Variants in TCF3 observed in about 807,000 individuals in gnomAD.
TCF3 encodes the protein transcription factor 3.
TCF3 carries 54 observed loss-of-function variants against 72.3 expected under a neutral mutation model. The observed-to-expected ratio is 0.75, with a 90% CI of 0.60 to 0.94. The LOEUF is 0.94. TCF3 is among the 40% of genes least tolerant of loss of function. The pLI is 0.00. For synonymous variants in TCF3, 525 were observed against 412.6 expected (o/e 1.27, Z -3.30); for missense variants, 1,078 against 934.4 (o/e 1.15, Z -2.00).
intron 2 of TCF3, among the ~76,000 whole-genome samples, chr19:1,646,782 C>CAAG (rs1444944453): frequency 6.6e-6 from 1 of 152,214 alleles, no homozygotes; most frequent in Non-Finnish European, 1.5e-5. Flanking sequence ...CTTATCAGCT[C>CAAG]TTGACAGTGA....
At chr19:1,643,736 C>A (rs1331168070) in intron 3 of TCF3, among the ~76,000 whole-genome samples, 2 of 152,258 alleles carry the variant, frequency 1.3e-5, no homozygotes, top group Non-Finnish European at 2.9e-5. Context: ...GAAGAACAGG[C>A]AGACCCTTCA....
chr19:1,642,039 G>A (rs539721666), intron 3 of TCF3, among the ~76,000 whole-genome samples: 1 of 151,256 alleles, frequency 6.6e-6, no homozygotes, highest in South Asian at 2.1e-4. Context: ...AGTGAGACCT[G>A]GTCCCTAAAA....
chr19:1,644,087 C>A (rs900156829), intron 3 of TCF3, among the ~76,000 whole-genome samples: 1 of 152,250 alleles, frequency 6.6e-6, no homozygotes, highest in Non-Finnish European at 1.5e-5. Context: ...GAGCCCCAAA[C>A]TCCCCTCTTC....
chr19:1,636,752 C>T (rs28546475), intron 3 of TCF3, among the ~76,000 whole-genome samples: 30 of 152,184 alleles, frequency 2.0e-4, no homozygotes, highest in Non-Finnish European at 3.1e-4. Context: ...AGGAGGATCC[C>T]GAGTGGGGGA....
At chr19:1,639,106 C>T (rs1010141493) in intron 3 of TCF3, among the ~76,000 whole-genome samples, 5 of 152,202 alleles carry the variant, frequency 3.3e-5, no homozygotes, top group African/African-American at 9.7e-5. Flanking sequence ...TGCGGTGGCG[C>T]GATCTCAGCT....
intron 11 of TCF3, among the ~76,000 whole-genome samples, chr19:1,621,546 A>G (rs1021034182): frequency 1.0e-4 from 15 of 147,182 alleles, no homozygotes; most frequent in Admixed American, 2.0e-4. Flanking sequence ...TCCCTCTCTG[A>G]CCCTGGGTGG....
intron 2 of TCF3, among the ~76,000 whole-genome samples, chr19:1,648,355 G>C (rs917243933): frequency 4.6e-5 from 7 of 152,180 alleles, no homozygotes; most frequent in Non-Finnish European, 8.8e-5. Context: ...AAAGCCCGAG[G>C]GGGGACGCCC....
intron 3 of TCF3, among the ~76,000 whole-genome samples, chr19:1,633,618 A>C (rs1056264345): frequency 8.5e-5 from 13 of 152,192 alleles, no homozygotes; most frequent in African/African-American, 2.4e-4. Flanking sequence ...AAGTCTAATG[A>C]ATATTCATGC....
chr19:1,616,947 A>C (rs1446869208), intron 16 of TCF3, among the ~76,000 whole-genome samples: 1 of 149,562 alleles, frequency 6.7e-6, no homozygotes, highest in African/African-American at 2.4e-5. Context: ...GAAAGGACAA[A>C]AAGAAAGTAA....
chr19:1,630,409 C>T (rs992847573), intron 5 of TCF3, among the ~76,000 whole-genome samples: 2 of 152,214 alleles, frequency 1.3e-5, no homozygotes, highest in African/African-American at 4.8e-5. Flanking sequence ...AGTTCGAGGC[C>T]GGGCAAAGCG....
intron 6 of TCF3, among the ~76,000 whole-genome samples, chr19:1,626,504 G>A (rs1446959314): frequency 6.6e-6 from 1 of 151,880 alleles, no homozygotes; most frequent in African/African-American, 2.4e-5. Context: ...CCACGGGGTG[G>A]CCCAGCGCCC....
intron 2 of TCF3, among the ~76,000 whole-genome samples, chr19:1,648,134 C>T (rs1470466754): frequency 1.3e-5 from 2 of 152,218 alleles, no homozygotes; most frequent in East Asian, 1.9e-4. Flanking sequence ...TGGGAACAGC[C>T]TGGGTTAGCG....
chr19:1,619,733 G>A (rs939063781), intron 14 of TCF3, 47 bp downstream of exon 14: 44 of 1,140,752 alleles, frequency 3.9e-5, no homozygotes, highest in Non-Finnish European at 4.9e-5. Flanking sequence ...CGTCTGTCCT[G>A]CAAATTCTGT....
intron 6 of TCF3, 58 bp downstream of exon 6, chr19:1,627,301 G>A (rs544224714): frequency 1.4e-4 from 210 of 1,457,768 alleles, no homozygotes; most frequent in Admixed American, 2.7e-4. Context: ...ATCAGAGAGG[G>A]TGGGTGACAG....
At position 1,615,604 on chromosome 19, in the gene TCF3, G is replaced by A. The variant is rs2061471112; in HGVS notation, c.1586+82C>T. The A allele has an allele frequency of 6.2e-7, 1 of 1,608,530 alleles. No individual in the cohort carries two copies. Among genetic ancestry groups the A allele is most frequent in the African/African-American group, 1.3e-5 (1 of 74,892 alleles). On this transcript the variant is annotated intron_variant, in intron 17 of 18. Coordinates refer to ENST00000262965, the MANE Select transcript of TCF3 (RefSeq NM_003200.5). This position sits in a 1 kb window ranked among gnomAD's most constrained non-coding sequence, Gnocchi z 7.3. Reference sequence around the variant, plus strand: ...TGGGGCCCGCCGACGGCCTCCCAGTGTGGGTGCGGTGTGCGTGTGGCCTGT... The same window carrying A: ...TGGGGCCCGCCGACGGCCTCCCAGTATGGGTGCGGTGTGCGTGTGGCCTGT...
rs1189951565 is a variant in TCF3 at position 1,610,033 on chromosome 19, A to T, written c.*1674T>A. On this transcript the variant is annotated 3_prime_UTR_variant, in exon 19 of 19. Transcript: ENST00000262965. ...GTGACCACTGCCCTAGTTCGTGTGGAACTGGATGGGATCCCAGGGTAGGAG... is the reference window on the plus strand; with the variant it reads ...GTGACCACTGCCCTAGTTCGTGTGGTACTGGATGGGATCCCAGGGTAGGAG... 8.6e-6 allele frequency: 2 copies of T among 232,692 alleles called. No homozygotes were observed. The highest frequency in any genetic ancestry group is 1.7e-5 in the Non-Finnish European group (2 of 117,796). 14.4% of individuals were successfully genotyped at this position (232,692 alleles called of 1,614,324 possible). A position where few individuals can be genotyped will look rare whatever the true frequency, so the allele number is the denominator to read the frequency against.
chr19:1,612,553 G>A (rs1003771006), intron 18 of TCF3: 26 of 960,908 alleles, frequency 2.7e-5, no homozygotes, highest in Non-Finnish European at 4.1e-5. Flanking sequence ...CAGCAGTGTG[G>A]GTACACGGCT....
chr19:1,624,771 C>T (rs1201503058), intron 7 of TCF3, among the ~76,000 whole-genome samples: 2 of 152,256 alleles, frequency 1.3e-5, no homozygotes, highest in Non-Finnish European at 2.9e-5. Flanking sequence ...GAGGCCTCCT[C>T]CCGCATCATG....
chr19:1,622,447 C>T (rs1000063337), intron 8 of TCF3, 32 bp from the exon 9 acceptor site: 3 of 1,149,000 alleles, frequency 2.6e-6, no homozygotes, highest in East Asian at 2.6e-5. Flanking sequence ...GGGGTGCAGT[C>T]AGGACGGAGG....
Sources: allele counts gnomAD v4.1 joint callset (sites outside exome capture counted in the v4.1 genomes callset), GRCh38; gene constraint gnomAD v4.1.1; non-coding constraint Gnocchi (gnomAD v3.1); transcripts MANE v1.5; gene names NCBI Gene and HGNC (gene_info 2026-07-23, HGNC 2026-07-21).